The following RPS6KC1 variants were observed in gnomAD, a reference collection of about 807,000 sequenced individuals.
RPS6KC1 encodes the protein inactive ribosomal protein S6 kinase delta-1.
A neutral mutation model predicts 103.8 loss-of-function variants in RPS6KC1; 54 were observed. The observed-to-expected ratio is 0.52, with a 90% CI of 0.42 to 0.65. RPS6KC1 has a LOEUF of 0.65. Among genes scored for constraint, RPS6KC1 ranks in the 30% least tolerant of loss-of-function variants. RPS6KC1 has a pLI of 0.00. For missense variants in RPS6KC1, 1,151 were observed against 1,253.8 expected, an observed-to-expected ratio of 0.92 and a Z score of 1.24; for synonymous variants, 439 against 438.7, an observed-to-expected ratio of 1.00 and a Z score of -0.01.
At chr1:213,623,777 G>T in the RPS6KC1 span, among the ~76,000 whole-genome samples, 1 of 152,202 alleles carries the variant, frequency 6.6e-6, no homozygotes, top group Non-Finnish European at 1.5e-5. Context: ...GCAGAGGCAA[G>T]GGCAAGGCAG....
the RPS6KC1 span, among the ~76,000 whole-genome samples, chr1:213,481,972 G>A: frequency 1.3e-5 from 2 of 152,052 alleles, no homozygotes; most frequent in African/African-American, 4.8e-5. Context: ...AGATCTGGCT[G>A]TTTAAAAGTA....
the RPS6KC1 span, among the ~76,000 whole-genome samples, chr1:213,736,415 C>T: frequency 6.6e-6 from 1 of 152,192 alleles, no homozygotes; most frequent in African/African-American, 2.4e-5. Context: ...GGGCTAGGGC[C>T]TGAAGACAAC....
the RPS6KC1 span, among the ~76,000 whole-genome samples, chr1:213,649,493 C>T: frequency 6.6e-6 from 1 of 152,100 alleles, no homozygotes; most frequent in Non-Finnish European, 1.5e-5. Flanking sequence ...GCAGTCCCCG[C>T]TTTGATGCTA....
the RPS6KC1 span, among the ~76,000 whole-genome samples, chr1:213,478,769 T>C: frequency 6.6e-6 from 1 of 152,132 alleles, no homozygotes; most frequent in Non-Finnish European, 1.5e-5. Flanking sequence ...ATATAGCTTT[T>C]GTAAATATTT....
chr1:213,592,045 T>C, the RPS6KC1 span, among the ~76,000 whole-genome samples: 1 of 152,132 alleles, frequency 6.6e-6, no homozygotes, highest in Non-Finnish European at 1.5e-5. Flanking sequence ...GCCAATAGCC[T>C]GGGGAGGTAA....
At chr1:213,383,191 C>T in the RPS6KC1 span, among the ~76,000 whole-genome samples, 3 of 148,714 alleles carry the variant, frequency 2.0e-5, no homozygotes, top group South Asian at 4.3e-4. Context: ...TGAAATCCCC[C>T]CCTGAATGGG....
chr1:213,606,768 T>C, the RPS6KC1 span, among the ~76,000 whole-genome samples: 2 of 152,278 alleles, frequency 1.3e-5, no homozygotes, highest in African/African-American at 4.8e-5. Flanking sequence ...GACCAACTGT[T>C]TTCCTCATTG....
chr1:213,299,133 G>A, the RPS6KC1 span, among the ~76,000 whole-genome samples: 4 of 152,180 alleles, frequency 2.6e-5, no homozygotes, highest in Non-Finnish European at 4.4e-5. Context: ...ATGATTCAGG[G>A]CTCCTAAGAT....
the RPS6KC1 span, among the ~76,000 whole-genome samples, chr1:213,801,360 T>A: frequency 6.6e-6 from 1 of 152,250 alleles, no homozygotes; most frequent in African/African-American, 2.4e-5. Context: ...ATAACTGTAA[T>A]TCTGTTTCCT....
the RPS6KC1 span, among the ~76,000 whole-genome samples, chr1:213,341,014 C>G: frequency 2.0e-5 from 3 of 152,244 alleles, no homozygotes; most frequent in Non-Finnish European, 2.9e-5. Flanking sequence ...ATTGCTGAGC[C>G]TCAGTTTCCT....
chr1:213,272,399 C>T (rs898630574), intron 14 of RPS6KC1, 125 bp from the exon 15 acceptor site: 3 of 695,482 alleles, frequency 4.3e-6, no homozygotes, highest in African/African-American at 3.6e-5. Flanking sequence ...AAAATGGTCA[C>T]TTGGCTATTA....
intron 6 of RPS6KC1, among the ~76,000 whole-genome samples, chr1:213,165,658 C>T (rs1323744869): frequency 4.6e-5 from 7 of 152,176 alleles, no homozygotes; most frequent in South Asian, 2.1e-4. Context: ...CTCCTGACCT[C>T]GTGATCTGCC....
chr1:213,118,323 AT>A (rs1310399365), intron 5 of RPS6KC1, among the ~76,000 whole-genome samples: 1 of 151,896 alleles, frequency 6.6e-6, no homozygotes, highest in African/African-American at 2.4e-5. Context: ...AAAAAAAAAG[AT>A]TTGGGGGCAG....
the RPS6KC1 span, among the ~76,000 whole-genome samples, chr1:213,301,366 G>C: frequency 6.6e-6 from 1 of 152,040 alleles, no homozygotes; most frequent in East Asian, 1.9e-4. Flanking sequence ...GTGAAATTTC[G>C]CTGTAAATTA....
At chr1:213,152,415 C>T (rs1173994151) in intron 6 of RPS6KC1, among the ~76,000 whole-genome samples, 24 of 149,278 alleles carry the variant, frequency 1.6e-4, no homozygotes, top group African/African-American at 2.7e-4. Context: ...GGGTGGCTGC[C>T]GGGCGGAGAC....
the RPS6KC1 span, among the ~76,000 whole-genome samples, chr1:213,491,048 T>G: frequency 6.6e-6 from 1 of 152,174 alleles, no homozygotes; most frequent in South Asian, 2.1e-4. Flanking sequence ...GAGGAGGAAC[T>G]GAGATGCTCC....
intron 1 of RPS6KC1, among the ~76,000 whole-genome samples, chr1:213,065,776 T>A (rs1410570419): frequency 1.3e-5 from 2 of 152,216 alleles, no homozygotes; most frequent in Non-Finnish European, 2.9e-5. Flanking sequence ...CTAATATGTG[T>A]TGAATGAGTA....
At chr1:213,623,148 C>T in the RPS6KC1 span, among the ~76,000 whole-genome samples, 111 of 152,274 alleles carry the variant, frequency 7.3e-4, no homozygotes, top group African/African-American at 2.5e-3. Flanking sequence ...TTTGAAACAT[C>T]GGGCATGACT....
intron 5 of RPS6KC1, among the ~76,000 whole-genome samples, chr1:213,125,169 C>T (rs2148959113): frequency 6.6e-6 from 1 of 152,154 alleles, no homozygotes; most frequent in East Asian, 1.9e-4. Context: ...TACCTATAAT[C>T]TTACCATACA....
Sources: allele counts gnomAD v4.1 joint callset (sites outside exome capture counted in the v4.1 genomes callset), GRCh38; gene constraint gnomAD v4.1.1; transcripts MANE v1.5; gene names NCBI Gene and HGNC (gene_info 2026-07-23, HGNC 2026-07-21).